Variants in KIF5C observed in about 807,000 individuals in gnomAD.
KIF5C encodes the protein kinesin heavy chain isoform 5C.
In KIF5C, 18 loss-of-function variants were observed where a neutral mutation model predicts 125.2. The observed-to-expected ratio is 0.14, with a 90% CI of 0.10 to 0.21. The LOEUF (loss-of-function observed/expected upper bound fraction) is 0.21, where lower values mean the gene tolerates loss of function less well. Ranked by LOEUF, KIF5C falls within the 10% of genes least tolerant of loss-of-function variation. The pLI is 1.00. For synonymous variants in KIF5C, 405 were observed against 434.0 expected (o/e 0.93, Z 0.83); for missense variants, 780 against 1,183.8 (o/e 0.66, Z 5.01).
chr2:148,903,887 C>T (rs889129804), intron 1 of KIF5C, among the ~76,000 whole-genome samples: 2 of 151,958 alleles, frequency 1.3e-5, no homozygotes, highest in African/African-American at 4.8e-5. Context: ...CCCCTTTTTT[C>T]CCATCTATAA....
At chr2:148,988,961 A>C (rs141875218) in intron 15 of KIF5C, among the ~76,000 whole-genome samples, 25 of 152,256 alleles carry the variant, frequency 1.6e-4, no homozygotes, top group African/African-American at 4.6e-4. Flanking sequence ...GAACTTTTTT[A>C]ATTTTTAATT....
intron 25 of KIF5C, among the ~76,000 whole-genome samples, chr2:149,015,224 A>G (rs1029445531): frequency 1.3e-5 from 2 of 152,224 alleles, no homozygotes; most frequent in African/African-American, 4.8e-5. Context: ...TCTACAAGCT[A>G]TGACTATTTT....
chr2:148,986,535 G>T (rs926744068), intron 15 of KIF5C, among the ~76,000 whole-genome samples: 1 of 152,080 alleles, frequency 6.6e-6, no homozygotes, highest in Non-Finnish European at 1.5e-5. Flanking sequence ...CTTGACTTCT[G>T]CACATTTGTT....
intron 25 of KIF5C, among the ~76,000 whole-genome samples, chr2:149,013,591 A>G (rs1375785274): frequency 1.3e-5 from 2 of 152,194 alleles, no homozygotes; most frequent in Non-Finnish European, 2.9e-5. Flanking sequence ...GGACCACCTA[A>G]TATGCTGCAG....
intron 17 of KIF5C, among the ~76,000 whole-genome samples, chr2:148,995,775 T>G (rs1681651595): frequency 6.6e-6 from 1 of 152,210 alleles, no homozygotes; most frequent in Non-Finnish European, 1.5e-5. Flanking sequence ...ATGAAATACA[T>G]GAAGGTGTGC....
intron 4 of KIF5C, among the ~76,000 whole-genome samples, chr2:148,937,933 A>G (rs533300441): frequency 1.1e-4 from 17 of 152,350 alleles, no homozygotes; most frequent in Middle Eastern, 3.4e-3. Flanking sequence ...TGTTTTGAGC[A>G]GAGTGTCACA....
intron 10 of KIF5C, among the ~76,000 whole-genome samples, chr2:148,957,429 A>C (rs1682817478): frequency 6.6e-6 from 1 of 152,078 alleles, no homozygotes; most frequent in African/African-American, 2.4e-5. Flanking sequence ...AGGCTCCTTC[A>C]TTCTCTAAAT....
chr2:149,013,355 CA>C (rs1481763555), intron 25 of KIF5C, among the ~76,000 whole-genome samples: 1 of 152,178 alleles, frequency 6.6e-6, no homozygotes, highest in Non-Finnish European at 1.5e-5. Flanking sequence ...AGAGAAGAGG[CA>C]AAAGCAGCCG....
chr2:148,980,317 T>C (rs768116959), intron 13 of KIF5C, among the ~76,000 whole-genome samples: 1 of 152,214 alleles, frequency 6.6e-6, no homozygotes, highest in Non-Finnish European at 1.5e-5. Context: ...TTCACCCACA[T>C]TGGCACAGCT....
At chr2:148,896,294 G>A (rs966257573) in intron 1 of KIF5C, among the ~76,000 whole-genome samples, 29 of 152,152 alleles carry the variant, frequency 1.9e-4, no homozygotes, top group African/African-American at 6.5e-4. Flanking sequence ...CAACACATAC[G>A]TGAGCTAAGC....
At position 148,962,019 on chromosome 2, in the gene KIF5C, A is replaced by G; in HGVS notation, c.1017A>G (p.Ala339=). The G allele has an allele frequency of 1.2e-6, 2 of 1,614,050 alleles. No homozygotes were observed. The highest frequency in any genetic ancestry group is 1.7e-6 in the Non-Finnish European group (2 of 1,179,896). The change falls in exon 11 of 26, where the codon GCA becomes GCG. Residue 339 remains alanine, a synonymous_variant. Coordinates refer to ENST00000435030, the MANE Select transcript of KIF5C (RefSeq NM_004522.3). Reference sequence around the variant, plus strand: ...TCTCTGTGAACCTAGAACTGACAGCAGAAGAATGGAAGAAGAAATATGAAA... The same window carrying G: ...TCTCTGTGAACCTAGAACTGACAGCGGAAGAATGGAAGAAGAAATATGAAA... ...NTVSVNLELT[A]EEWKKKYEKE... is the part of the protein sequence containing the mutation.
intron 1 of KIF5C, among the ~76,000 whole-genome samples, chr2:148,885,027 A>G (rs1005694567): frequency 4.0e-5 from 6 of 148,496 alleles, no homozygotes; most frequent in African/African-American, 1.5e-4. Flanking sequence ...CTGGAGTGCA[A>G]TGGCACGATC....
chr2:148,875,628 CA>C lies in KIF5C; in HGVS notation c.12del (p.Ala5ProfsTer7), dbSNP rs1681160235. MAD[P>X]AECSIKVMCR... ...CTACCGCCGGCCGAGATGGCGGATC[CA>C]GCCGAATGCAGCATCAAAGTGATGT... is the stretch of plus-strand genomic sequence containing the variant. On this transcript the variant is annotated frameshift_variant, in exon 1 of 26. Transcript: ENST00000435030. LOFTEE classifies it high-confidence loss of function. 11 of 1,531,254 alleles carry C rather than the reference CA, an allele frequency of 7.2e-6. No homozygotes were observed. The highest frequency in any genetic ancestry group is 9.7e-6 in the Non-Finnish European group (11 of 1,135,902). 94.9% of individuals were successfully genotyped at this position (1,531,254 alleles called of 1,614,324 possible). A position where few individuals can be genotyped will look rare whatever the true frequency, so the allele number is the denominator to read the frequency against.
At chr2:148,891,512 TG>T (rs1371693822) in intron 1 of KIF5C, among the ~76,000 whole-genome samples, 2 of 152,128 alleles carry the variant, frequency 1.3e-5, no homozygotes, top group Non-Finnish European at 2.9e-5. Flanking sequence ...CTGCAGACAA[TG>T]TATGTATTAC....
In KIF5C at chr2:149,026,261, A is replaced by G. The variant is rs1184981606; in HGVS notation, c.*3191A>G. The G allele has an allele frequency of 6.6e-6, 1 of 152,240 alleles. No homozygotes were observed. The highest frequency in any genetic ancestry group is 2.4e-5 in the African/African-American group (1 of 41,460). The allele number at this position is 152,240 out of a possible 1,614,324, so 9.4% of individuals were successfully genotyped here. On this transcript the variant is annotated 3_prime_UTR_variant, in exon 26 of 26. Coordinates refer to ENST00000435030, the MANE Select transcript of KIF5C (RefSeq NM_004522.3). Reference sequence around the variant, plus strand: ...AACCATCATAATCTAAAATTGCTTCATTTAACACTAACAATTTAGACTTTT... The same window carrying G: ...AACCATCATAATCTAAAATTGCTTCGTTTAACACTAACAATTTAGACTTTT...
At chr2:148,920,955 T>C (rs1172516866) in intron 1 of KIF5C, among the ~76,000 whole-genome samples, 1 of 152,160 alleles carries the variant, frequency 6.6e-6, no homozygotes, top group African/African-American at 2.4e-5. Context: ...GTGGGGAACA[T>C]GAAGATGAAG....
At chr2:148,947,209 C>A in intron 8 of KIF5C, 186 bp downstream of exon 8, 1 of 870,522 alleles carries the variant, frequency 1.1e-6, no homozygotes, top group Non-Finnish European at 1.7e-6. Flanking sequence ...CTGAGGTCTC[C>A]TATTGGTGTC....
rs571808257 is a variant in KIF5C, at chr2:149,004,830, G to A, written c.2374-563G>A. On this transcript the variant is annotated intron_variant, in intron 21 of 25. Coordinates refer to ENST00000435030, the MANE Select transcript of KIF5C (RefSeq NM_004522.3). ...CAATAAGAAAACTGAGGCACAGAAAGGTTAGATAACTTGCCCAGGGCCACC... is the reference window on the plus strand; with the variant it reads ...CAATAAGAAAACTGAGGCACAGAAAAGTTAGATAACTTGCCCAGGGCCACC... Among the ~76,000 whole-genome samples the A allele has an allele frequency of 8.5e-5, 13 of 152,244 alleles. No individual in the cohort carries two copies. The South Asian group carries it at 2.7e-3, about 32-fold the overall frequency.
chr2:148,992,232 A>G lies in KIF5C; in HGVS notation c.1905+1034A>G, dbSNP rs74350702. On this transcript the variant is annotated intron_variant, in intron 16 of 25. Transcript: ENST00000435030. ...TAACCAGCATAATAAGCAGAAATGTATTGAAAAGATTATTCAGTGCTAATA... is the reference window on the plus strand; with the variant it reads ...TAACCAGCATAATAAGCAGAAATGTGTTGAAAAGATTATTCAGTGCTAATA... Among the ~76,000 whole-genome samples the G allele has an allele frequency of 1.0e-3, 155 of 152,360 alleles. 2 individuals carry two copies. Among genetic ancestry groups the G allele is most frequent in the African/African-American group, 3.3e-3 (139 of 41,590 alleles).
Sources: allele counts gnomAD v4.1 joint callset (sites outside exome capture counted in the v4.1 genomes callset), GRCh38; gene constraint gnomAD v4.1.1; transcripts MANE v1.5; gene names NCBI Gene and HGNC (gene_info 2026-07-23, HGNC 2026-07-21).